The following FREM3 variants were observed in gnomAD, a reference collection of about 807,000 sequenced individuals.
FREM3 encodes the protein FRAS1-related extracellular matrix protein 3.
Under a neutral mutation model 129.1 loss-of-function variants are expected in FREM3, and 105 were observed. The observed-to-expected ratio is 0.81, with a 90% CI of 0.69 to 0.96. FREM3 has a LOEUF of 0.96. FREM3 is among the 40% of genes least tolerant of loss of function. The pLI is 0.00. For synonymous variants in FREM3, 1,014 were observed against 1,044.9 expected (o/e 0.97, Z 0.57); for missense variants, 2,593 against 2,666.3 (o/e 0.97, Z 0.61).
rs532251549 is a variant in FREM3 at position 143,593,383 on chromosome 4, T to C, written c.6029-7390A>G. 3.9e-5 allele frequency among the ~76,000 whole-genome samples: 6 copies of C among 152,334 alleles called. No individual in the cohort carries two copies. In the East Asian group the frequency reaches 1.2e-3, roughly 29 times the overall value. ...TTGTGGTTTTATCTACCTTTGGTCT[T>C]TGATGATGGTGACGTACAGATGGGT... On this transcript the variant is annotated intron_variant, in intron 6 of 7. Transcript: ENST00000329798.
chr4:143,626,108 T>G (rs1177857354), intron 3 of FREM3, among the ~76,000 whole-genome samples: 3 of 151,904 alleles, frequency 2.0e-5, no homozygotes, highest in Non-Finnish European at 4.4e-5. Context: ...CTTTCTGGAG[T>G]GTCTGATTGA....
intron 2 of FREM3, among the ~76,000 whole-genome samples, chr4:143,660,859 G>A (rs1287382052): frequency 6.6e-6 from 1 of 152,152 alleles, no homozygotes; most frequent in African/African-American, 2.4e-5. Flanking sequence ...GTGAATGGGA[G>A]TTCACTCATG....
intron 2 of FREM3, among the ~76,000 whole-genome samples, chr4:143,648,641 G>A (rs1739461071): frequency 6.6e-6 from 1 of 152,220 alleles, no homozygotes; most frequent in South Asian, 2.1e-4. Flanking sequence ...AAGTGAAGAA[G>A]GACGTGTTTG....
rs201173281 is a variant in FREM3, at chr4:143,606,789, A to T, written c.6028+4490T>A. On this transcript the variant is annotated intron_variant, in intron 6 of 7. Transcript: ENST00000329798. ...AGATTTCATGCTTCTATGAATCTAG[A>T]AGGATTTTTTTTTATGTATTTCTTG... Among the ~76,000 whole-genome samples the T allele has an allele frequency of 1.0e-4, 12 of 118,870 alleles. No homozygotes were observed. In the East Asian group the frequency reaches 2.4e-3, roughly 24 times the overall value. The allele number at this position is 118,870 out of a possible 152,430, so 78.0% of individuals were successfully genotyped here.
intron 1 of FREM3, among the ~76,000 whole-genome samples, chr4:143,694,865 A>G (rs1405661074): frequency 1.3e-5 from 2 of 152,234 alleles, no homozygotes; most frequent in Non-Finnish European, 2.9e-5. Context: ...GAGCTATCTA[A>G]AAAAGTTATG....
At chr4:143,620,784 G>A (rs1236114249) in intron 5 of FREM3, among the ~76,000 whole-genome samples, 1 of 152,088 alleles carries the variant, frequency 6.6e-6, no homozygotes, top group Non-Finnish European at 1.5e-5. Context: ...CCCCTTCGTG[G>A]GGTAGTTAAA....
chr4:143,661,768 C>A (rs1326728257), intron 2 of FREM3, among the ~76,000 whole-genome samples: 1 of 152,112 alleles, frequency 6.6e-6, no homozygotes, highest in Admixed American at 6.5e-5. Context: ...AATTTCAGCT[C>A]CTGTTATTGG....
chr4:143,686,710 C>G (rs901847381), intron 2 of FREM3, among the ~76,000 whole-genome samples: 1 of 152,162 alleles, frequency 6.6e-6, no homozygotes, highest in Admixed American at 6.5e-5. Flanking sequence ...AATTAAATAA[C>G]CTGCTCCTGA....
Position 143,699,049 on chromosome 4 carries a change from G to A in FREM3, c.1627C>T (p.Pro543Ser). 6.5e-7 allele frequency: 1 copy of A among 1,537,344 alleles called. No homozygotes were observed. The highest frequency in any genetic ancestry group is 8.7e-7 in the Non-Finnish European group (1 of 1,146,878). Reference sequence around the variant, plus strand: ...CCTGTGTTAGTATTGACCATTGGTGGTTCATCATCCACAGGTAGGATGGTG... The same window carrying A: ...CCTGTGTTAGTATTGACCATTGGTGATTCATCATCCACAGGTAGGATGGTG... The part of the protein sequence containing the change: ...PLTILPVDDE[P>S]PMVNTNTGLS... Residue 543 changes from proline to serine, a missense_variant, in exon 1 of 8, where the codon CCA (proline) becomes TCA (serine). Physicochemically the swap from Pro to Ser is moderately conservative, Grantham distance 74. This residue lies in a region of FREM3 where 2,276 missense variants were observed against 2,267.2 expected (regional missense o/e 1.00). Transcript: ENST00000329798. This position sits in a 1 kb window ranked among gnomAD's most constrained non-coding sequence, Gnocchi z 4.2.
chr4:143,667,168 T>C (rs1464357127), intron 2 of FREM3, among the ~76,000 whole-genome samples: 1 of 152,112 alleles, frequency 6.6e-6, no homozygotes, highest in Non-Finnish European at 1.5e-5. Context: ...ATATATTTTA[T>C]TGGAGGAATA....
intron 2 of FREM3, among the ~76,000 whole-genome samples, chr4:143,668,494 T>C (rs1019324506): frequency 6.6e-6 from 1 of 152,256 alleles, no homozygotes; most frequent in African/African-American, 2.4e-5. Flanking sequence ...AATAAAACAC[T>C]GTGTTCCTTG....
intron 2 of FREM3, among the ~76,000 whole-genome samples, chr4:143,677,002 A>T (rs1740146733): frequency 6.6e-6 from 1 of 152,198 alleles, no homozygotes; most frequent in Non-Finnish European, 1.5e-5. Flanking sequence ...CATCCCCATC[A>T]AGCTACCAAT....
Position 143,700,146 on chromosome 4 carries a change from A to G in FREM3, c.530T>C (p.Val177Ala). 1 of 1,536,998 alleles carries G rather than the reference A, an allele frequency of 6.5e-7. No homozygotes were observed. The highest frequency in any genetic ancestry group is 8.7e-7 in the Non-Finnish European group (1 of 1,146,896). The change falls in exon 1 of 8, where the codon GTA (valine) becomes GCA (alanine). Residue 177 changes from valine to alanine, a missense_variant. Transcript: ENST00000329798. ...GCTCCAGCTTCGCAGCTTCTCCACT[A>G]CCAAAGGCCTGTTACGCGTCACCAG... The part of the protein sequence containing the change: ...LELVTRNRPL[V>A]VEKLRSWSRA...
rs561494642 is a variant in FREM3 at position 143,638,148 on chromosome 4, G to A, written c.5276-10388C>T. Among the ~76,000 whole-genome samples the A allele has an allele frequency of 4.6e-5, 7 of 152,260 alleles. No individual in the cohort carries two copies. The East Asian group carries it at 9.7e-4, about 21-fold the overall frequency. ...TCAATATAAGGACAGCGGAAACAGT[G>A]TGAAATAATAAAGACCACAAGCTTT... On this transcript the variant is annotated intron_variant, in intron 2 of 7. Coordinates refer to ENST00000329798, the MANE Select transcript of FREM3 (RefSeq NM_001168235.2).
intron 2 of FREM3, among the ~76,000 whole-genome samples, chr4:143,688,148 A>G (rs1740401114): frequency 6.6e-6 from 1 of 152,228 alleles, no homozygotes; most frequent in Non-Finnish European, 1.5e-5. Context: ...TAGAACTGAT[A>G]AAAGAATTCA....
chr4:143,613,329 T>A (rs1278491063), intron 5 of FREM3, among the ~76,000 whole-genome samples: 1 of 152,154 alleles, frequency 6.6e-6, no homozygotes, highest in East Asian at 1.9e-4. Flanking sequence ...CTAGCTGAGT[T>A]TCAGTGGCGG....
At chr4:143,640,815 T>G (rs1739309763) in intron 2 of FREM3, among the ~76,000 whole-genome samples, 1 of 152,164 alleles carries the variant, frequency 6.6e-6, no homozygotes, top group African/African-American at 2.4e-5. Context: ...GAACCAATCT[T>G]TAAGTTATGA....
chr4:143,693,422 G>A (rs1003888511), intron 1 of FREM3, among the ~76,000 whole-genome samples: 2 of 152,156 alleles, frequency 1.3e-5, no homozygotes, highest in Non-Finnish European at 2.9e-5. Context: ...CAGTCAGACT[G>A]GTGATTATTA....
intron 2 of FREM3, among the ~76,000 whole-genome samples, chr4:143,663,813 T>G (rs1578857947): frequency 6.6e-6 from 1 of 152,106 alleles, no homozygotes; most frequent in Admixed American, 6.6e-5. Flanking sequence ...TAAACTTCCC[T>G]TCTCGCTTCA....
Sources: allele counts gnomAD v4.1 joint callset (sites outside exome capture counted in the v4.1 genomes callset), GRCh38; gene constraint gnomAD v4.1.1; regional missense constraint gnomAD v4.1.1; non-coding constraint Gnocchi (gnomAD v3.1); transcripts MANE v1.5; gene names NCBI Gene and HGNC (gene_info 2026-07-23, HGNC 2026-07-21).